The following ABHD12 variants were observed in gnomAD, a reference collection of about 807,000 sequenced individuals.
ABHD12 encodes the protein abhydrolase domain containing 12, lysophospholipase, also known as lysophosphatidylserine lipase ABHD12.
A neutral mutation model predicts 58.3 loss-of-function variants in ABHD12; 43 were observed. The ratio of observed to expected loss-of-function variants is 0.74; its 90% CI spans 0.58 to 0.95. The LOEUF (loss-of-function observed/expected upper bound fraction) is 0.95. Among genes scored for constraint, ABHD12 ranks in the 40% least tolerant of loss-of-function variants. The probability of loss-of-function intolerance (pLI) is 0.00; values close to 1 mark genes in which losing one functional copy is unlikely to be tolerated. For missense variants in ABHD12, 539 were observed against 537.2 expected, an observed-to-expected ratio of 1.00 and a Z score of -0.03; for synonymous variants, 219 against 211.2, an observed-to-expected ratio of 1.04 and a Z score of -0.32.
At chr20:25,298,322 G>C (rs2088583017), downstream of ABHD12, among the ~76,000 whole-genome samples, 1 of 152,074 alleles carries the variant, frequency 6.6e-6, no homozygotes, top group Non-Finnish European at 1.5e-5. Context: ...CTGGAGTGCA[G>C]TGGCACGGTC....
chr20:25,339,241 A>G lies in ABHD12; in HGVS notation c.302T>C (p.Ile101Thr), dbSNP rs1194275129. 6.2e-7 allele frequency: 1 copy of G among 1,614,212 alleles called. No individual in the cohort carries two copies. Among genetic ancestry groups the G allele is most frequent in the Non-Finnish European group, 8.5e-7 (1 of 1,180,034 alleles). Reference protein sequence around the residue: ...KLCPGIQAKLIFLNFVRVPYF... With the variant: ...KLCPGIQAKLTFLNFVRVPYF... ...ATACCACTTACCGAAATTCAAGAAA[A>G]TCAGTTTGGCCTGTATTCCAGGACA... The change falls in exon 2 of 13, where the codon ATT becomes ACT. Residue 101 changes from isoleucine (I) to threonine (T), a missense_variant. Ile to Thr is a moderately conservative substitution (Grantham distance 89). Coordinates refer to ENST00000339157, the MANE Select transcript of ABHD12 (RefSeq NM_001042472.3).
At chr20:25,360,068 G>A (rs2089724056) in intron 1 of ABHD12, among the ~76,000 whole-genome samples, 1 of 151,552 alleles carries the variant, frequency 6.6e-6, no homozygotes, top group Non-Finnish European at 1.5e-5. Context: ...TTGAGAGTGG[G>A]TAAATATTCT....
At chr20:25,340,594 T>G (rs894520303) in intron 1 of ABHD12, among the ~76,000 whole-genome samples, 11 of 152,236 alleles carry the variant, frequency 7.2e-5, no homozygotes, top group African/African-American at 2.4e-4. Flanking sequence ...GGACCACTGC[T>G]CTAACTTGCC....
chr20:25,373,167 A>C (rs565245222), intron 1 of ABHD12, among the ~76,000 whole-genome samples: 38 of 152,318 alleles, frequency 2.5e-4, no homozygotes, highest in South Asian at 2.1e-3. Context: ...CACTTGCCTA[A>C]CACCACATTG....
rs199757666 is a variant in ABHD12, at chr20:25,322,381, A to ATTTTTTTT, written c.422+936_422+943dup. On this transcript the variant is annotated intron_variant, in intron 3 of 12. Coordinates refer to ENST00000339157, the MANE Select transcript of ABHD12 (RefSeq NM_001042472.3). ...GGAAAAGATATATATATATATATAT[A>ATTTTTTTT]TTTTTTTTTTTTTTTGAGACAAGAG... is the stretch of plus-strand genomic sequence containing the variant. 1.8e-3 allele frequency among the ~76,000 whole-genome samples: 108 copies of ATTTTTTTT among 59,096 alleles called. 4 individuals carry two copies. The highest frequency in any genetic ancestry group is 3.5e-3 in the South Asian group (6 of 1,714). The allele number at this position is 59,096 out of a possible 152,430, so 38.8% of individuals were successfully genotyped here.
intron 1 of ABHD12, among the ~76,000 whole-genome samples, chr20:25,375,424 C>T (rs1043657180): frequency 3.9e-5 from 6 of 152,244 alleles, no homozygotes; most frequent in Non-Finnish European, 7.3e-5. Context: ...TCCCCAGCCA[C>T]AGAGAGTTTC....
chr20:25,374,986 T>A (rs1283308918), intron 1 of ABHD12, among the ~76,000 whole-genome samples: 3 of 152,204 alleles, frequency 2.0e-5, no homozygotes, highest in African/African-American at 7.2e-5. Flanking sequence ...CACTTCAGAA[T>A]ATGACTGTAT....
chr20:25,375,775 G>A (rs974005978), intron 1 of ABHD12, among the ~76,000 whole-genome samples: 18 of 152,214 alleles, frequency 1.2e-4, no homozygotes, highest in African/African-American at 3.6e-4. Flanking sequence ...GGTTATTTCC[G>A]GGTAAATTCA....
chr20:25,345,254 T>A (rs1362060154), intron 1 of ABHD12, among the ~76,000 whole-genome samples: 3 of 152,066 alleles, frequency 2.0e-5, no homozygotes, highest in African/African-American at 7.2e-5. Context: ...TCCAGCTGAT[T>A]TTTTGTATTT....
intron 1 of ABHD12, among the ~76,000 whole-genome samples, chr20:25,364,645 T>A (rs2089795335): frequency 6.6e-6 from 1 of 152,228 alleles, no homozygotes; most frequent in Non-Finnish European, 1.5e-5. Context: ...AAACCATACC[T>A]AACGGCCTAC....
At chr20:25,383,175 G>A (rs1276904812) in intron 1 of ABHD12, among the ~76,000 whole-genome samples, 4 of 152,214 alleles carry the variant, frequency 2.6e-5, no homozygotes, top group Non-Finnish European at 5.9e-5. Context: ...CGGGAAGGCT[G>A]ACACTGAAGA....
At chr20:25,344,188 C>T (rs1159784935) in intron 1 of ABHD12, among the ~76,000 whole-genome samples, 4 of 152,006 alleles carry the variant, frequency 2.6e-5, no homozygotes, top group African/African-American at 9.7e-5. Flanking sequence ...AGCTTTCCTG[C>T]TAAGATTAGG....
intron 1 of ABHD12, among the ~76,000 whole-genome samples, chr20:25,361,912 G>A (rs765022556): frequency 6.6e-6 from 1 of 151,890 alleles, no homozygotes; most frequent in Non-Finnish European, 1.5e-5. Flanking sequence ...CCAAGATCCC[G>A]CCACTGCACT....
At chr20:25,360,862 G>A (rs1459307685) in intron 1 of ABHD12, among the ~76,000 whole-genome samples, 1 of 152,234 alleles carries the variant, frequency 6.6e-6, no homozygotes, top group Non-Finnish European at 1.5e-5. Context: ...CTACCTCACT[G>A]AACAGAGTGG....
At chr20:25,374,813 T>C (rs2089942569) in intron 1 of ABHD12, among the ~76,000 whole-genome samples, 1 of 152,210 alleles carries the variant, frequency 6.6e-6, no homozygotes, top group Non-Finnish European at 1.5e-5. Flanking sequence ...AGTGTTTTAA[T>C]GTGCTTCTCT....
At chr20:25,327,494 T>C (rs966803293) in intron 2 of ABHD12, among the ~76,000 whole-genome samples, 1 of 149,662 alleles carries the variant, frequency 6.7e-6, no homozygotes, top group Non-Finnish European at 1.5e-5. Context: ...AAGGGAGGGA[T>C]TGAAACTACC....
At chr20:25,369,930 A>T (rs895199575) in intron 1 of ABHD12, among the ~76,000 whole-genome samples, 1 of 126,942 alleles carries the variant, frequency 7.9e-6, no homozygotes, top group African/African-American at 3.5e-5. Flanking sequence ...TCTGTTATAA[A>T]AAAAAAAAAA....
rs565812297 is a variant in ABHD12, at chr20:25,327,729, T to C, written c.317-4299A>G. ...AGGACTAACATTTTGGCCACAAGAT[T>C]GGAAATTGTTGTGGTTTAGGAGTCA... On this transcript the variant is annotated intron_variant, in intron 2 of 12. Coordinates refer to ENST00000339157, the MANE Select transcript of ABHD12 (RefSeq NM_001042472.3). Among the ~76,000 whole-genome samples, 428 of 152,306 alleles carry C rather than the reference T, an allele frequency of 2.8e-3. 1 individual carries two copies. The highest frequency in any genetic ancestry group is 9.7e-3 in the African/African-American group (403 of 41,568).
At chr20:25,373,109 G>A (rs573265276) in intron 1 of ABHD12, among the ~76,000 whole-genome samples, 35 of 152,274 alleles carry the variant, frequency 2.3e-4, no homozygotes, top group African/African-American at 4.8e-4. Context: ...GTAATAGGCC[G>A]TACCATCTAT....
Sources: gnomAD v4.1 joint callset for allele counts (sites outside exome capture counted in the v4.1 genomes callset) on GRCh38, gnomAD v4.1.1 for gene constraint, MANE v1.5 for transcripts, NCBI Gene and HGNC (gene_info 2026-07-23, HGNC 2026-07-21) for gene names.